Variants in LIPA observed in about 807,000 individuals in gnomAD.
The protein encoded by LIPA is lysosomal acid lipase/cholesteryl ester hydrolase.
A neutral mutation model predicts 40.6 loss-of-function variants in LIPA; 26 were observed. That is an observed-to-expected ratio of 0.64 (90% CI 0.47 to 0.89). LIPA has a LOEUF of 0.89. Ranked by LOEUF, LIPA falls within the 40% of genes least tolerant of loss-of-function variation. The probability of loss-of-function intolerance (pLI) is 0.00; values close to 1 mark genes in which losing one functional copy is unlikely to be tolerated. For missense variants in LIPA, 455 were observed against 479.6 expected (o/e 0.95, Z 0.48); for synonymous variants, 188 against 168.4 (o/e 1.12, Z -0.90).
At chr10:89,242,548 T>C (rs1404613346) in intron 3 of LIPA, among the ~76,000 whole-genome samples, 2 of 152,266 alleles carry the variant, frequency 1.3e-5, no homozygotes, top group South Asian at 2.1e-4. Context: ...CCAAGCCCTG[T>C]GTTCATAAAA....
chr10:89,216,394 G>C (rs1842626666), intron 8 of LIPA, among the ~76,000 whole-genome samples: 1 of 146,130 alleles, frequency 6.8e-6, no homozygotes, highest in Non-Finnish European at 1.5e-5. Context: ...CAGATAGGTA[G>C]CTACATATAT....
At chr10:89,327,522 G>C (rs1175551254) in intron 1 of LIPA, among the ~76,000 whole-genome samples, 1 of 152,068 alleles carries the variant, frequency 6.6e-6, no homozygotes, top group Non-Finnish European at 1.5e-5. Flanking sequence ...CTGCATTCCA[G>C]CCTGGGCAAC....
intron 1 of LIPA, among the ~76,000 whole-genome samples, chr10:89,276,683 C>T (rs1441913052): frequency 6.6e-6 from 1 of 152,124 alleles, no homozygotes; most frequent in African/African-American, 2.4e-5. Context: ...AGGGTAGGAT[C>T]CATCTAATAA....
chr10:89,344,242 A>G (rs1463905149), upstream of LIPA, among the ~76,000 whole-genome samples: 1 of 152,236 alleles, frequency 6.6e-6, no homozygotes, highest in African/African-American at 2.4e-5. Flanking sequence ...TTTATAAGAG[A>G]GTAAGGAATT....
At chr10:89,409,223 T>C (rs1448734373) in intron 2 of LIPA, among the ~76,000 whole-genome samples, 1 of 152,246 alleles carries the variant, frequency 6.6e-6, no homozygotes, top group South Asian at 2.1e-4. Flanking sequence ...GGAGGCATTA[T>C]TAAACCTGGC....
At chr10:89,306,179 C>G (rs746849892) in intron 1 of LIPA, 6 of 1,613,992 alleles carry the variant, frequency 3.7e-6, no homozygotes, top group East Asian at 4.5e-5. Context: ...GGAATGCTTA[C>G]GTAAAGCTGA....
chr10:89,214,717 A>T lies in LIPA; in HGVS notation c.*111T>A. Reference sequence around the variant, plus strand: ...TCAAAGTTATCATTTTCTTGGATATAAAAAAACAAAAGACCTGGGAAAGAA... The same window carrying T: ...TCAAAGTTATCATTTTCTTGGATATTAAAAAACAAAAGACCTGGGAAAGAA... On this transcript the variant is annotated 3_prime_UTR_variant, in exon 10 of 10. Transcript: ENST00000336233. The T allele has an allele frequency of 1.4e-6, 1 of 715,856 alleles. No individual in the cohort carries two copies. Among genetic ancestry groups the T allele is most frequent in the Non-Finnish European group, 2.4e-6 (1 of 416,218 alleles). The allele number at this position is 715,856 out of a possible 1,614,324, so 44.3% of individuals were successfully genotyped here. A position where few individuals can be genotyped will look rare whatever the true frequency, so the allele number is the denominator to read the frequency against.
At chr10:89,246,471 A>T (rs1843026436) in intron 2 of LIPA, among the ~76,000 whole-genome samples, 1 of 152,206 alleles carries the variant, frequency 6.6e-6, no homozygotes, top group Admixed American at 6.5e-5. Flanking sequence ...TATTTAAAAA[A>T]TTATTTTAAA....
In LIPA at chr10:89,382,977, T is replaced by C. The variant is rs1247084514; in HGVS notation, c.61+29814A>G. Among the ~76,000 whole-genome samples the C allele has an allele frequency of 5.3e-5, 8 of 152,248 alleles. No individual in the cohort carries two copies. In the East Asian group the frequency reaches 7.7e-4, roughly 15 times the overall value. The stretch of plus-strand genomic sequence containing the variant: ...ACATTTCTTCTGACTGCATTAGTCA[T>C]GGACTGCAAAGTCAGGAGGAAGCAG... On this transcript the variant is annotated intron_variant, in intron 2 of 8. Transcript: ENST00000371837.
intron 3 of LIPA, among the ~76,000 whole-genome samples, chr10:89,241,698 A>C (rs187173308): frequency 6.6e-6 from 1 of 152,310 alleles, no homozygotes; most frequent in East Asian, 1.9e-4. Context: ...CTGTTTCTGC[A>C]TGCTGAAGGC....
At chr10:89,263,277 T>C (rs1197506561) in intron 1 of LIPA, among the ~76,000 whole-genome samples, 1 of 152,240 alleles carries the variant, frequency 6.6e-6, no homozygotes, top group African/African-American at 2.4e-5. Context: ...GGTGACCTTA[T>C]TCTGACTTTA....
intron 8 of LIPA, among the ~76,000 whole-genome samples, chr10:89,216,822 T>C (rs1842633630): frequency 6.6e-6 from 1 of 152,164 alleles, no homozygotes. Flanking sequence ...TATTTACCCA[T>C]TCTACTTGTC....
At chr10:89,347,492 TTGCAAG>T (rs1843930808), upstream of LIPA, among the ~76,000 whole-genome samples, 2 of 152,232 alleles carry the variant, frequency 1.3e-5, no homozygotes, top group Non-Finnish European at 2.9e-5. Context: ...AGGGCCAACC[TTGCAAG>T]CAAGTCTTTC....
At chr10:89,402,715 G>T in intron 2 of LIPA, 1 of 1,614,212 alleles carries the variant, frequency 6.2e-7, no homozygotes, top group Non-Finnish European at 8.5e-7. Context: ...GAGGAAGGAT[G>T]GGCCTTGCTG....
intron 2 of LIPA, among the ~76,000 whole-genome samples, chr10:89,349,091 TC>T (rs1843942632): frequency 6.6e-6 from 1 of 152,178 alleles, no homozygotes; most frequent in African/African-American, 2.4e-5. Context: ...TTCTCTGAGC[TC>T]CCTTTATCTG....
chr10:89,262,018 T>C (rs1314525686), intron 1 of LIPA, among the ~76,000 whole-genome samples: 2 of 152,192 alleles, frequency 1.3e-5, no homozygotes, highest in South Asian at 2.1e-4. Context: ...TCTGTTTTTT[T>C]CCCTTTTCCC....
chr10:89,255,523 G>A (rs568225765), upstream of LIPA, among the ~76,000 whole-genome samples: 22 of 152,300 alleles, frequency 1.4e-4, 1 homozygote, highest in South Asian at 3.9e-3. Context: ...CATATCAGAA[G>A]GCTACCACAA....
At chr10:89,340,363 C>T (rs968043776) in intron 1 of LIPA, 2 of 366,092 alleles carry the variant, frequency 5.5e-6, no homozygotes, top group African/African-American at 4.1e-5. Flanking sequence ...TTGAGACCAT[C>T]CTGGCTAACA....
chr10:89,281,772 A>G (rs1403210047), intron 1 of LIPA, among the ~76,000 whole-genome samples: 1 of 152,234 alleles, frequency 6.6e-6, no homozygotes, highest in Non-Finnish European at 1.5e-5. Flanking sequence ...GGAAAGTATT[A>G]GGCAGGATGT....
Sources: allele counts gnomAD v4.1 joint callset (sites outside exome capture counted in the v4.1 genomes callset), GRCh38; gene constraint gnomAD v4.1.1; transcripts MANE v1.5; gene names NCBI Gene and HGNC (gene_info 2026-07-23, HGNC 2026-07-21).